PCDHA7: variants seen among roughly 807,000 people sequenced by gnomAD.
PCDHA7 encodes protocadherin alpha 7.
PCDHA7 carries 37 observed loss-of-function variants against 57.2 expected under a neutral mutation model. The ratio of observed to expected loss-of-function variants is 0.65; its 90% CI spans 0.50 to 0.85. The LOEUF is 0.85. Ranked by LOEUF, PCDHA7 falls within the 40% of genes least tolerant of loss-of-function variation. The pLI, the probability that PCDHA7 is intolerant of heterozygous loss-of-function variation, is 0.00. For synonymous variants in PCDHA7, 553 were observed against 558.8 expected (o/e 0.99, Z 0.15); for missense variants, 1,188 against 1,241.8 (o/e 0.96, Z 0.65).
intron 1 of PCDHA7, chr5:140,968,517 C>T: frequency 6.2e-7 from 1 of 1,614,206 alleles, no homozygotes; most frequent in Non-Finnish European, 8.5e-7. Flanking sequence ...TACCCTACCT[C>T]AACCAACTCG....
chr5:140,856,403 G>C, intron 1 of PCDHA7: 1 of 1,598,562 alleles, frequency 6.3e-7, no homozygotes, highest in South Asian at 1.1e-5. Flanking sequence ...TTTCCATGTG[G>C]ACGTGGAAGT....
At chr5:140,942,467 A>C (rs1428565418) in intron 1 of PCDHA7, among the ~76,000 whole-genome samples, 1 of 152,142 alleles carries the variant, frequency 6.6e-6, no homozygotes, top group Non-Finnish European at 1.5e-5. Context: ...AATACAATCA[A>C]ATTCAAGCTA....
chr5:140,876,567 G>T (rs782286416), intron 1 of PCDHA7: 90 of 1,614,068 alleles, frequency 5.6e-5, no homozygotes, highest in Non-Finnish European at 6.3e-5. Context: ...ATGCTCAGGT[G>T]GGTACCGTCA....
chr5:141,000,015 G>A (rs960608216), intron 3 of PCDHA7, among the ~76,000 whole-genome samples: 8 of 151,984 alleles, frequency 5.3e-5, no homozygotes, highest in Non-Finnish European at 5.9e-5. Flanking sequence ...CCTCCCCATT[G>A]CTAAGCCTGA....
intron 1 of PCDHA7, chr5:140,851,253 T>C: frequency 2.8e-6 from 3 of 1,086,078 alleles, no homozygotes; most frequent in Non-Finnish European, 2.3e-6. Context: ...TGATGCATAG[T>C]ATTTTAGTCT....
intron 3 of PCDHA7, among the ~76,000 whole-genome samples, chr5:140,994,758 G>A (rs150618369): frequency 1.3e-5 from 2 of 152,248 alleles, no homozygotes; most frequent in East Asian, 3.9e-4. Flanking sequence ...GATGTGGAGA[G>A]GAAGAGAATT....
At chr5:140,928,809 G>A (rs1563109634) in intron 1 of PCDHA7, 2 of 1,614,078 alleles carry the variant, frequency 1.2e-6, no homozygotes, top group African/African-American at 2.7e-5. Flanking sequence ...TAGTGGTTCG[G>A]GACCATGGAG....
intron 1 of PCDHA7, among the ~76,000 whole-genome samples, chr5:140,899,664 G>A (rs1263525075): frequency 2.0e-5 from 3 of 152,126 alleles, no homozygotes; most frequent in African/African-American, 4.8e-5. Context: ...GTCTCTGCCC[G>A]GCTTTGGTAT....
At chr5:140,908,078 A>G (rs1047293736) in intron 1 of PCDHA7, among the ~76,000 whole-genome samples, 2 of 152,202 alleles carry the variant, frequency 1.3e-5, no homozygotes, top group Admixed American at 6.5e-5. Context: ...AAAGTGCACA[A>G]CCAGGTGCAC....
intron 1 of PCDHA7, chr5:140,857,559 C>G (rs550275293): frequency 2.5e-6 from 4 of 1,596,876 alleles, no homozygotes; most frequent in Non-Finnish European, 3.4e-6. Context: ...CGCTCGCTGT[C>G]GAGCTACGTG....
intron 1 of PCDHA7, chr5:140,869,538 T>C (rs536846543): frequency 1.2e-6 from 2 of 1,614,204 alleles, no homozygotes; most frequent in East Asian, 4.5e-5. Context: ...TTGCGGAATC[T>C]AAGCAATCGG....
intron 1 of PCDHA7, among the ~76,000 whole-genome samples, chr5:140,943,277 AGAAAG>A (rs797041544): frequency 8.1e-4 from 104 of 129,164 alleles, no homozygotes; most frequent in African/African-American, 3.0e-3. Context: ...AAAAAAAAAA[AGAAAG>A]AAAGAATTAA....
rs782703183 is a variant in PCDHA7 at position 140,882,765 on chromosome 5, C to A, written c.2355+46027C>A. On this transcript the variant is annotated intron_variant, in intron 1 of 3. Transcript: ENST00000525929. ...TCCGATGCAGATATTGGAGTAAACT[C>A]GGCATTGACCTACCGACTGGATCCC... 1.5e-5 allele frequency: 25 copies of A among 1,614,104 alleles called. No individual in the cohort carries two copies. In the South Asian group the frequency reaches 2.7e-4, roughly 18 times the overall value.
chr5:140,988,560 T>C (rs1184536302), intron 3 of PCDHA7, among the ~76,000 whole-genome samples: 3 of 152,138 alleles, frequency 2.0e-5, no homozygotes, highest in Admixed American at 2.0e-4. Context: ...CATCTTCTTC[T>C]TGGGAAAACA....
intron 1 of PCDHA7, chr5:140,842,293 C>A: frequency 6.2e-7 from 1 of 1,609,994 alleles, no homozygotes; most frequent in Non-Finnish European, 8.5e-7. Context: ...ACGCCACGGA[C>A]AAAGGCCATC....
chr5:140,993,631 G>A (rs1466996708), intron 3 of PCDHA7, among the ~76,000 whole-genome samples: 2 of 152,162 alleles, frequency 1.3e-5, no homozygotes, highest in African/African-American at 2.4e-5. Context: ...ATATATAGTC[G>A]TGTACCAAAT....
intron 1 of PCDHA7, among the ~76,000 whole-genome samples, chr5:140,940,389 AT>A (rs2092602183): frequency 1.3e-5 from 2 of 151,932 alleles, no homozygotes; most frequent in Admixed American, 6.6e-5. Flanking sequence ...AATTTTGGTT[AT>A]TGTGTTTTTC....
chr5:140,955,932 A>T (rs907189668), intron 1 of PCDHA7, among the ~76,000 whole-genome samples: 2 of 152,106 alleles, frequency 1.3e-5, no homozygotes, highest in Non-Finnish European at 2.9e-5. Flanking sequence ...GTTCATTCAT[A>T]ATATGGCTGT....
chr5:140,967,192 C>T (rs2096111456), intron 1 of PCDHA7: 1 of 1,613,408 alleles, frequency 6.2e-7, no homozygotes, highest in South Asian at 1.1e-5. Context: ...TGGACATCAA[C>T]GACAACTCAC....
Sources: allele counts gnomAD v4.1 joint callset (sites outside exome capture counted in the v4.1 genomes callset), GRCh38; gene constraint gnomAD v4.1.1; transcripts MANE v1.5; gene names NCBI Gene and HGNC (gene_info 2026-07-23, HGNC 2026-07-21).